Variants in STAG1 observed in about 807,000 individuals in gnomAD.
The protein encoded by STAG1 is cohesin subunit SA-1.
A neutral mutation model predicts 170.9 loss-of-function variants in STAG1; 26 were observed. The observed-to-expected ratio is 0.15, with a 90% CI of 0.11 to 0.21. The LOEUF (loss-of-function observed/expected upper bound fraction) is 0.21, where lower values mean the gene tolerates loss of function less well. STAG1 is among the 10% of genes least tolerant of loss of function. The probability of loss-of-function intolerance (pLI) is 1.00; values close to 1 mark genes in which losing one functional copy is unlikely to be tolerated. For synonymous variants in STAG1, 514 were observed against 497.7 expected, an observed-to-expected ratio of 1.03 and a Z score of -0.44; for missense variants, 964 against 1,509.5, an observed-to-expected ratio of 0.64 and a Z score of 5.99.
At chr3:136,600,610 C>T (rs915153229) in intron 4 of STAG1, among the ~76,000 whole-genome samples, 8 of 152,348 alleles carry the variant, frequency 5.3e-5, no homozygotes, top group Non-Finnish European at 1.2e-4. Flanking sequence ...TGGCTCAATG[C>T]AACCTCTACC....
intron 6 of STAG1, among the ~76,000 whole-genome samples, chr3:136,523,788 G>A (rs962353859): frequency 6.6e-6 from 1 of 152,138 alleles, no homozygotes; most frequent in Non-Finnish European, 1.5e-5. Context: ...ATAAGGAAGG[G>A]ATCCAATTTC....
chr3:136,468,817 C>T (rs535992370), intron 12 of STAG1, among the ~76,000 whole-genome samples: 1 of 151,968 alleles, frequency 6.6e-6, no homozygotes, highest in African/African-American at 2.4e-5. Flanking sequence ...CCCTGGGATG[C>T]AAGGCTGGTT....
intron 7 of STAG1, among the ~76,000 whole-genome samples, chr3:136,520,806 A>G (rs1246217289): frequency 6.6e-6 from 1 of 152,168 alleles, no homozygotes; most frequent in East Asian, 1.9e-4. Context: ...TCAAGTATAT[A>G]AACAAGTATT....
intron 1 of STAG1, among the ~76,000 whole-genome samples, chr3:136,683,570 G>A (rs1397691004): frequency 2.6e-5 from 4 of 151,954 alleles, no homozygotes; most frequent in East Asian, 3.9e-4. Context: ...AGCCTTCAAC[G>A]TGATTTTTTT....
intron 22 of STAG1, 28 bp from the exon 23 acceptor site, chr3:136,377,780 G>A (rs763400192): frequency 2.4e-5 from 38 of 1,573,290 alleles, no homozygotes; most frequent in South Asian, 2.3e-4. Context: ...ATTTGCAAGC[G>A]TGAATTACAG....
rs544675233 is a variant in STAG1 at position 136,552,491 on chromosome 3, A to G, written c.395-10296T>C. ...ATCTGAAGCCATATGAAGCAGGAAG[A>G]TATTAGGAGGACAATAAATAAAAGC... is the stretch of plus-strand genomic sequence containing the variant. On this transcript the variant is annotated intron_variant, in intron 5 of 33. Coordinates refer to ENST00000383202, the MANE Select transcript of STAG1 (RefSeq NM_005862.3). 1.2e-4 allele frequency among the ~76,000 whole-genome samples: 19 copies of G among 152,360 alleles called. 1 individual carries two copies. The South Asian group carries it at 3.9e-3, about 32-fold the overall frequency.
chr3:136,522,334 C>T (rs1361338686), intron 6 of STAG1, among the ~76,000 whole-genome samples: 2 of 152,150 alleles, frequency 1.3e-5, no homozygotes, highest in Admixed American at 6.6e-5. Flanking sequence ...TACAGGAGAA[C>T]GGACTCAGAG....
chr3:136,714,198 T>C (rs1477194805), intron 1 of STAG1, among the ~76,000 whole-genome samples: 1 of 151,940 alleles, frequency 6.6e-6, no homozygotes, highest in Non-Finnish European at 1.5e-5. Flanking sequence ...AGCAAGGCCC[T>C]ACCCCCCAAA....
intron 1 of STAG1, among the ~76,000 whole-genome samples, chr3:136,700,602 G>A (rs754370218): frequency 2.1e-4 from 32 of 151,614 alleles, no homozygotes; most frequent in South Asian, 4.2e-4. Flanking sequence ...TGTATTTTTA[G>A]TAGAGACGGG....
intron 1 of STAG1, among the ~76,000 whole-genome samples, chr3:136,669,960 CAAAT>C (rs1158903738): frequency 6.6e-6 from 1 of 152,120 alleles, no homozygotes; most frequent in African/African-American, 2.4e-5. Flanking sequence ...TGGTAACACA[CAAAT>C]AACTAAAATA....
intron 12 of STAG1, among the ~76,000 whole-genome samples, chr3:136,466,537 T>G (rs1357410899): frequency 6.6e-6 from 1 of 152,170 alleles, no homozygotes; most frequent in Non-Finnish European, 1.5e-5. Context: ...TTGGTGTACC[T>G]GAAAGTGACA....
At chr3:136,551,256 A>AGAGAGAGG (rs1936385055) in intron 5 of STAG1, among the ~76,000 whole-genome samples, 1 of 129,932 alleles carries the variant, frequency 7.7e-6, no homozygotes, top group African/African-American at 3.0e-5. Context: ...AGAGAGAGAG[A>AGAGAGAGG]GAGAGGGAGA....
Position 136,500,218 on chromosome 3 carries a change from C to A in STAG1, c.902+5G>T. On this transcript the variant is annotated splice_donor_5th_base_variant and intron_variant, in intron 9 of 33. Transcript: ENST00000383202. Reference sequence around the variant, plus strand: ...GCCTTCAAAATTATTTTTAAAATCTCTTACCGGTATCTATGAACAAATATA... The same window carrying A: ...GCCTTCAAAATTATTTTTAAAATCTATTACCGGTATCTATGAACAAATATA... 6.6e-7 allele frequency: 1 copy of A among 1,520,242 alleles called. No individual in the cohort carries two copies. The highest frequency in any genetic ancestry group is 1.9e-5 in the Admixed American group (1 of 53,670). The allele number at this position is 1,520,242 out of a possible 1,614,324, so 94.2% of individuals were successfully genotyped here.
At chr3:136,572,601 C>CAA (rs11379268) in intron 4 of STAG1, among the ~76,000 whole-genome samples, 3,019 of 66,334 alleles carry the variant, frequency 0.046, 289 homozygotes, top group African/African-American at 0.15. Flanking sequence ...AAGACTGTCT[C>CAA]AAAAAAAAAA....
At chr3:136,421,578 T>C (rs1405148340) in intron 19 of STAG1, among the ~76,000 whole-genome samples, 1 of 151,946 alleles carries the variant, frequency 6.6e-6, no homozygotes, top group Non-Finnish European at 1.5e-5. Context: ...TATAAATCAG[T>C]TACATGGTCA....
intron 6 of STAG1, among the ~76,000 whole-genome samples, chr3:136,541,219 C>G (rs1349492709): frequency 2.6e-5 from 4 of 151,938 alleles, no homozygotes; most frequent in African/African-American, 9.7e-5. Flanking sequence ...AGAAAACAAC[C>G]AATATTTTAG....
chr3:136,506,413 T>C (rs1158126287), intron 7 of STAG1, among the ~76,000 whole-genome samples: 1 of 143,544 alleles, frequency 7.0e-6, no homozygotes, highest in Non-Finnish European at 1.5e-5. Flanking sequence ...GGTGGATCAC[T>C]GGAGGTCAGG....
At chr3:136,643,378 T>C (rs770374385) in intron 1 of STAG1, among the ~76,000 whole-genome samples, 3 of 152,196 alleles carry the variant, frequency 2.0e-5, no homozygotes, top group Admixed American at 6.5e-5. Context: ...GAGTTTCAGA[T>C]GAGAAGTTCT....
At chr3:136,354,766 A>AAAAAAAAAAAAAC (rs1560053199) in intron 28 of STAG1, among the ~76,000 whole-genome samples, 9 of 147,010 alleles carry the variant, frequency 6.1e-5, no homozygotes, top group Non-Finnish European at 1.3e-4. Flanking sequence ...AAAAAAAAAA[A>AAAAAAAAAAAAAC]AACCAAAAAA....
Sources: gnomAD v4.1 joint callset for allele counts (sites outside exome capture counted in the v4.1 genomes callset) on GRCh38, gnomAD v4.1.1 for gene constraint, MANE v1.5 for transcripts, NCBI Gene and HGNC (gene_info 2026-07-23, HGNC 2026-07-21) for gene names.